Variants in DENND4A observed in about 807,000 individuals in gnomAD.
The protein encoded by DENND4A is DENN domain containing 4A.
DENND4A carries 70 observed loss-of-function variants against 199.3 expected under a neutral mutation model. The ratio of observed to expected loss-of-function variants is 0.35; its 90% CI spans 0.29 to 0.43. The LOEUF (loss-of-function observed/expected upper bound fraction) is 0.43, where lower values mean the gene tolerates loss of function less well. Ranked by LOEUF, DENND4A falls within the 20% of genes least tolerant of loss-of-function variation. The pLI is 1.00. For synonymous variants in DENND4A, 686 were observed against 766.9 expected, an observed-to-expected ratio of 0.89 and a Z score of 1.74; for missense variants, 1,723 against 2,255.8, an observed-to-expected ratio of 0.76 and a Z score of 4.78.
rs1467363879 is a variant in DENND4A at position 65,690,588 on chromosome 15, T to C, written c.4006A>G (p.Arg1336Gly). Reference sequence around the variant, plus strand: ...GTTAATGTATCCTGAGATTCTTCCCTAAATGGGCAAGTAGGTGAGAAGGCT... The same window carrying C: ...GTTAATGTATCCTGAGATTCTTCCCCAAATGGGCAAGTAGGTGAGAAGGCT... ...SPAFSPTCPF[R>G]EESQDTLTHS... Residue 1336 changes from arginine (R) to glycine (G), a missense_variant, in exon 23 of 33, where the codon AGG (arginine) becomes GGG (glycine). Physicochemically the swap from Arg to Gly is moderately radical, Grantham distance 125. This residue lies in a region of DENND4A where 650 missense variants were observed against 738.1 expected (regional missense o/e 0.88). Transcript: ENST00000443035. 1 of 1,613,578 alleles carries C rather than the reference T, an allele frequency of 6.2e-7. No individual in the cohort carries two copies. Among genetic ancestry groups the C allele is most frequent in the Non-Finnish European group, 8.5e-7 (1 of 1,179,736 alleles).
At chr15:65,740,340 C>A (rs114511734) in intron 5 of DENND4A, among the ~76,000 whole-genome samples, 5,869 of 149,860 alleles carry the variant, frequency 0.039, 391 homozygotes, top group African/African-American at 0.14. Context: ...GCCAGCACAG[C>A]AGCTCACGCC....
intron 4 of DENND4A, among the ~76,000 whole-genome samples, chr15:65,749,098 A>C (rs551333870): frequency 2.9e-4 from 44 of 152,148 alleles, no homozygotes; most frequent in Admixed American, 4.6e-4. Context: ...TGAAAAAAAA[A>C]CCAATATTCT....
At chr15:65,697,754 T>C (rs2077196799) in intron 20 of DENND4A, among the ~76,000 whole-genome samples, 1 of 152,160 alleles carries the variant, frequency 6.6e-6, no homozygotes, top group Non-Finnish European at 1.5e-5. Context: ...AATGGAGAAA[T>C]CTGTAAAGAA....
In DENND4A at chr15:65,703,033, AC is replaced by A. The variant is rs764058480; in HGVS notation, c.2088-26del. ...GCTGTTTTAGAAAAAACAAAACAAAACAAAAAAGAGTTCTCAAGCACACATA... is the reference window on the plus strand; with the variant it reads ...GCTGTTTTAGAAAAAACAAAACAAAAAAAAAAGAGTTCTCAAGCACACATA... On this transcript the variant is annotated intron_variant, in intron 15 of 32. Coordinates refer to ENST00000443035, the MANE Select transcript of DENND4A (RefSeq NM_001320835.1). 8.1e-6 allele frequency: 13 copies of A among 1,604,334 alleles called. No individual in the cohort carries two copies. In the South Asian group the frequency reaches 1.4e-4, roughly 18 times the overall value.
intron 14 of DENND4A, among the ~76,000 whole-genome samples, chr15:65,710,646 C>G (rs984940744): frequency 6.6e-6 from 1 of 152,228 alleles, no homozygotes; most frequent in African/African-American, 2.4e-5. Flanking sequence ...TTAAAGCACA[C>G]CTTTCTATTT....
rs376517781 is a variant in DENND4A, at chr15:65,661,783, G to A, written c.*68C>T. 42 of 1,334,194 alleles carry A rather than the reference G, an allele frequency of 3.1e-5. No homozygotes were observed. In the African/African-American group the frequency reaches 5.0e-4, roughly 16 times the overall value. 82.6% of individuals were successfully genotyped at this position (1,334,194 alleles called of 1,614,324 possible). On this transcript the variant is annotated 3_prime_UTR_variant, in exon 33 of 33. Coordinates refer to ENST00000443035, the MANE Select transcript of DENND4A (RefSeq NM_001320835.1). The stretch of plus-strand genomic sequence containing the variant: ...AAAAATTGAAGAAAAAATATTTAGA[G>A]TCTAAAAGTGTTATTTTATACACTG...
chr15:65,714,434 AC>A (rs2075338149), intron 14 of DENND4A, among the ~76,000 whole-genome samples: 1 of 142,834 alleles, frequency 7.0e-6, no homozygotes, highest in African/African-American at 2.6e-5. Context: ...CAAAAAAAAA[AC>A]CCAAAAACTT....
chr15:65,742,552 G>A (rs1439158336), intron 4 of DENND4A, among the ~76,000 whole-genome samples: 1 of 151,718 alleles, frequency 6.6e-6, no homozygotes, highest in South Asian at 2.1e-4. Context: ...CAGCCTCCTG[G>A]AGTAGCTGGG....
intron 5 of DENND4A, 33 bp from the exon 6 acceptor site, chr15:65,738,908 T>C (rs528437062): frequency 3.1e-5 from 45 of 1,446,980 alleles, no homozygotes; most frequent in South Asian, 3.0e-4. Context: ...TAGGTCATCA[T>C]CTCTTGAATT....
intron 1 of DENND4A, among the ~76,000 whole-genome samples, chr15:65,768,740 T>C (rs985137276): frequency 3.3e-5 from 5 of 152,006 alleles, no homozygotes; most frequent in African/African-American, 1.2e-4. Flanking sequence ...CCCAGCACTT[T>C]GGGAGGCCGA....
Position 65,696,434 on chromosome 15 carries a change from G to A in DENND4A, c.3014C>T (p.Ser1005Phe). 6.2e-7 allele frequency: 1 copy of A among 1,612,850 alleles called. No homozygotes were observed. The highest frequency in any genetic ancestry group is 8.5e-7 in the Non-Finnish European group (1 of 1,179,190). ...DCLPKLSYQN[S>F]SSIVRLTGTS... ...ACCAGTGAGGCGAACGATACTGGAA[G>A]AATTTTGATAACTGAGCTTAGGAAG... Residue 1005 changes from serine to phenylalanine, a missense_variant, in exon 22 of 33, where the codon TCT becomes TTT. Ser to Phe is a radical substitution (Grantham distance 155). Transcript: ENST00000443035.
intron 11 of DENND4A, among the ~76,000 whole-genome samples, chr15:65,728,546 C>T (rs1407031991): frequency 1.3e-5 from 2 of 149,950 alleles, no homozygotes; most frequent in South Asian, 2.1e-4. Context: ...TGCAGTGGCG[C>T]GATCTCAGCT....
intron 2 of DENND4A, among the ~76,000 whole-genome samples, chr15:65,758,486 T>C (rs1466307359): frequency 6.6e-6 from 1 of 152,016 alleles, no homozygotes; most frequent in Non-Finnish European, 1.5e-5. Flanking sequence ...GCTGGTTTGT[T>C]TTTGTTGTAG....
At chr15:65,755,060 T>C (rs1216172301) in intron 3 of DENND4A, among the ~76,000 whole-genome samples, 1 of 152,238 alleles carries the variant, frequency 6.6e-6, no homozygotes, top group Non-Finnish European at 1.5e-5. Flanking sequence ...TGGAATATTA[T>C]TCAGTCATAA....
chr15:65,767,452 T>C (rs76694285), intron 1 of DENND4A: 1 of 152,174 alleles, frequency 6.6e-6, no homozygotes, highest in Non-Finnish European at 1.5e-5. Context: ...AATGATTATT[T>C]ATTTATTTGG....
chr15:65,675,857 C>T (rs1490418356), intron 24 of DENND4A, among the ~76,000 whole-genome samples: 1 of 152,022 alleles, frequency 6.6e-6, no homozygotes, highest in Admixed American at 6.6e-5. Context: ...GAAGTATCTT[C>T]CAAAGACACA....
chr15:65,701,928 G>A, intron 17 of DENND4A, 38 bp from the exon 18 acceptor site: 1 of 1,611,608 alleles, frequency 6.2e-7, no homozygotes, highest in African/African-American at 1.3e-5. Flanking sequence ...AAACACAGAT[G>A]TCACCATGTA....
intron 3 of DENND4A, among the ~76,000 whole-genome samples, chr15:65,753,606 G>A (rs1239984218): frequency 6.6e-6 from 1 of 152,116 alleles, no homozygotes; most frequent in Non-Finnish European, 1.5e-5. Context: ...TGATCTGTCT[G>A]CCTCGGCCTC....
intron 1 of DENND4A, among the ~76,000 whole-genome samples, chr15:65,762,095 C>T (rs943959680): frequency 2.0e-5 from 3 of 152,122 alleles, no homozygotes; most frequent in African/African-American, 7.2e-5. Context: ...GCAACCTCCA[C>T]CTCCTGGGTT....
Sources: allele counts gnomAD v4.1 joint callset (sites outside exome capture counted in the v4.1 genomes callset), GRCh38; gene constraint gnomAD v4.1.1; regional missense constraint gnomAD v4.1.1; transcripts MANE v1.5; gene names NCBI Gene and HGNC (gene_info 2026-07-23, HGNC 2026-07-21).